CFAP65: variants seen among roughly 807,000 people sequenced by gnomAD.
The protein encoded by CFAP65 is cilia- and flagella-associated protein 65.
In CFAP65, 155 loss-of-function variants were observed where a neutral mutation model predicts 208.0. The ratio of observed to expected loss-of-function variants is 0.75; its 90% CI spans 0.65 to 0.85. CFAP65 has a LOEUF of 0.85. CFAP65 is among the 40% of genes least tolerant of loss of function. The pLI, the probability that CFAP65 is intolerant of heterozygous loss-of-function variation, is 0.00. For missense variants in CFAP65, 2,294 were observed against 2,451.3 expected (o/e 0.94, Z 1.36); for synonymous variants, 970 against 986.3 (o/e 0.98, Z 0.31).
At position 219,004,840 on chromosome 2, in the gene CFAP65, G is replaced by GAC. The variant is rs1207401038; in HGVS notation, c.5052-387_5052-386dup. ...CTGGGGTGGGGGGGCCGGGGGGGGG[G>GAC]ACCGTGGTGGGATCTTGCAAAGAAG... On this transcript the variant is annotated intron_variant, in intron 32 of 34. Coordinates refer to ENST00000341552, the MANE Select transcript of CFAP65 (RefSeq NM_194302.4). The surrounding 1 kb of genome is among the most constrained non-coding windows in gnomAD (Gnocchi z 4.7). Among the ~76,000 whole-genome samples the GAC allele has an allele frequency of 4.1e-4, 58 of 139,944 alleles. 1 individual carries two copies. The highest frequency in any genetic ancestry group is 3.6e-3 in the Middle Eastern group (1 of 274). The allele number at this position is 139,944 out of a possible 152,430, so 91.8% of individuals were successfully genotyped here. A position where few individuals can be genotyped will look rare whatever the true frequency, so the allele number is the denominator to read the frequency against.
chr2:219,005,926 C>A, intron 31 of CFAP65, 95 bp downstream of exon 31: 2 of 1,257,944 alleles, frequency 1.6e-6, no homozygotes, highest in Non-Finnish European at 2.3e-6. Context: ...ATGCTCCACC[C>A]CTCACCATGG....
intron 5 of CFAP65, 164 bp downstream of exon 5, chr2:219,035,316 G>C (rs762571353): frequency 1.3e-6 from 2 of 1,540,534 alleles, no homozygotes; most frequent in African/African-American, 2.8e-5. Context: ...AAAAATAATG[G>C]ATTATAGCTG....
At position 219,003,409 on chromosome 2, in the gene CFAP65, G is replaced by A; in HGVS notation, c.5556-137C>T. On this transcript the variant is annotated intron_variant, in intron 33 of 34. Transcript: ENST00000341552. The surrounding 1 kb of genome is among the most constrained non-coding windows in gnomAD (Gnocchi z 4.4). ...CTCCCCTCATCCACTACACTATGGG[G>A]CATTCTTGTTTCAATGTTACGGACG... 1 of 1,113,578 alleles carries A rather than the reference G, an allele frequency of 9.0e-7. No individual in the cohort carries two copies. Among genetic ancestry groups the A allele is most frequent in the Non-Finnish European group, 1.2e-6 (1 of 815,466 alleles). 69.0% of individuals were successfully genotyped at this position (1,113,578 alleles called of 1,614,324 possible).
intron 19 of CFAP65, 54 bp downstream of exon 19, chr2:219,021,098 C>A: frequency 6.1e-6 from 9 of 1,466,746 alleles, no homozygotes; most frequent in East Asian, 5.0e-5. Context: ...CAGCCCTCCC[C>A]CTTCATCCTG....
chr2:219,024,284 C>A, intron 14 of CFAP65, 24 bp from the exon 15 acceptor site: 1 of 1,596,586 alleles, frequency 6.3e-7, no homozygotes, highest in South Asian at 1.1e-5. Context: ...AGGAGGAAAG[C>A]GGCCCCCCGC....
chr2:219,031,791 G>A lies in CFAP65; in HGVS notation c.646-133C>T. ...GGCCGTGGCACCCACGTCAGACTCT[G>A]AGGGGAGCTGGGCACCTATGTTGTC... On this transcript the variant is annotated intron_variant, in intron 6 of 34. Transcript: ENST00000341552. The surrounding 1 kb of genome is among the most constrained non-coding windows in gnomAD (Gnocchi z 5.2). The A allele has an allele frequency of 9.9e-7, 1 of 1,014,478 alleles. No homozygotes were observed. Among genetic ancestry groups the A allele is most frequent in the Middle Eastern group, 3.2e-4 (1 of 3,082 alleles). The allele number at this position is 1,014,478 out of a possible 1,614,324, so 62.8% of individuals were successfully genotyped here. A position where few individuals can be genotyped will look rare whatever the true frequency, so the allele number is the denominator to read the frequency against.
chr2:219,006,320 G>T, intron 30 of CFAP65, 97 bp from the exon 31 acceptor site: 1 of 1,482,900 alleles, frequency 6.7e-7, no homozygotes, highest in Non-Finnish European at 9.3e-7. Flanking sequence ...GGCTCTTTGG[G>T]CCACATAAGC....
At chr2:219,009,258 G>A in intron 28 of CFAP65, 89 bp downstream of exon 28, 1 of 1,450,272 alleles carries the variant, frequency 6.9e-7, no homozygotes. Context: ...CCTTTTGCTG[G>A]GGTCTGGGGA....
At position 219,003,150 on chromosome 2, in the gene CFAP65, G is replaced by A. The variant is rs1945694276; in HGVS notation, c.5678C>T (p.Pro1893Leu). The change falls in exon 34 of 35, where the codon CCG (proline) becomes CTG (leucine). Residue 1893 changes from proline (P) to leucine (L), a missense_variant. Physicochemically the swap from Pro to Leu is moderately conservative, Grantham distance 98. Transcript: ENST00000341552. The surrounding 1 kb of genome is among the most constrained non-coding windows in gnomAD (Gnocchi z 4.4). ...TSRPRVIALP[P>L]FCVPRSLTPD... is the part of the protein sequence containing the mutation. ...GCGCCCTTACCTGGGCACGCAGAAC[G>A]GCGGCAGGGCGATGACGCGTGGCCG... 3 of 1,543,676 alleles carry A rather than the reference G, an allele frequency of 1.9e-6. No homozygotes were observed.
At chr2:219,019,371 C>T (rs113027933) in intron 20 of CFAP65, 135 bp downstream of exon 20, 60 of 1,065,924 alleles carry the variant, frequency 5.6e-5, no homozygotes, top group Admixed American at 3.2e-4. Context: ...CAGGGATGGG[C>T]GAGAACTGGG....
At chr2:219,012,284 A>T (rs1335102462) in intron 24 of CFAP65, among the ~76,000 whole-genome samples, 1 of 152,196 alleles carries the variant, frequency 6.6e-6, no homozygotes, top group Non-Finnish European at 1.5e-5. Context: ...TTAGCATCTC[A>T]AACTTGGCCA....
In CFAP65 at chr2:219,030,147, G is replaced by A. The variant is rs763060434; in HGVS notation, c.1223C>T (p.Ser408Leu). 5.6e-5 allele frequency: 91 copies of A among 1,614,052 alleles called. No individual in the cohort carries two copies. Among genetic ancestry groups the A allele is most frequent in the Non-Finnish European group, 7.5e-5 (88 of 1,180,026 alleles). Reference sequence around the variant, plus strand: ...CACGATGCCATGGGCCGTGGGGCATGAGAAGGCCTGGTCTTCGGCCAGTTC... The same window carrying A: ...CACGATGCCATGGGCCGTGGGGCATAAGAAGGCCTGGTCTTCGGCCAGTTC... Reference protein sequence around the residue: ...PDELAEDQAFSCPTAHGIVLP... With the variant: ...PDELAEDQAFLCPTAHGIVLP... Residue 408 changes from serine to leucine, a missense_variant, in exon 10 of 35, where the codon TCA (serine) becomes TTA (leucine). Physicochemically the swap from Ser to Leu is moderately radical, Grantham distance 145. Transcript: ENST00000341552.
Position 219,041,472 on chromosome 2 carries a change from A to G in CFAP65, c.-49+16T>C, listed in dbSNP as rs994877283. On this transcript the variant is annotated intron_variant, in intron 1 of 34. Coordinates refer to ENST00000341552, the MANE Select transcript of CFAP65 (RefSeq NM_194302.4). ...CCTGAGACCCTGGGACCTTGGGACT[A>G]ACGCTCAGAACTTACATCGCCTCCA... 9 of 1,550,414 alleles carry G rather than the reference A, an allele frequency of 5.8e-6. No homozygotes were observed. The highest frequency in any genetic ancestry group is 1.7e-4 in the Middle Eastern group (1 of 6,014).
Position 219,002,974 on chromosome 2 carries a change from A to G in CFAP65, c.5741T>C (p.Leu1914Pro), listed in dbSNP as rs1945677929. 2 of 1,566,570 alleles carry G rather than the reference A, an allele frequency of 1.3e-6. No homozygotes were observed. Among genetic ancestry groups the G allele is most frequent in the Non-Finnish European group, 1.7e-6 (2 of 1,155,392 alleles). Residue 1914 changes from leucine (L) to proline (P), a missense_variant, in exon 35 of 35, where the codon CTC becomes CCC. By Grantham distance (98) the Leu-to-Pro change is moderately conservative. Transcript: ENST00000341552. This position sits in a 1 kb window ranked among gnomAD's most constrained non-coding sequence, Gnocchi z 7.9. ...TLLPTQQAEVLHPVVPLPTDL... is the reference protein window; with the variant it reads ...TLLPTQQAEVPHPVVPLPTDL... ...GGTAGGAAGTGGCACCACCGGGTGG[A>G]GTACCTCTGCTTGCTGCGTCGGCAG...
At position 219,027,815 on chromosome 2, in the gene CFAP65, G is replaced by A. The variant is rs763466054; in HGVS notation, c.2046C>T (p.Gly682=). Residue 682 remains glycine, a synonymous_variant, in exon 13 of 35, where the codon GGC becomes GGT. Transcript: ENST00000341552. ...TTCGCGTCCAGACCACCATGATCTT[G>A]CCCTTGGTGTGGTTCATCAGGCACA... ...VPLCLMNHTK[G]KIMVVWTRRS... 1.2e-6 allele frequency: 2 copies of A among 1,609,126 alleles called. No homozygotes were observed. The highest frequency in any genetic ancestry group is 1.1e-5 in the South Asian group (1 of 90,528).
At chr2:219,022,446 C>A in intron 16 of CFAP65, 117 bp from the exon 17 acceptor site, 4 of 1,188,724 alleles carry the variant, frequency 3.4e-6, no homozygotes, top group Admixed American at 2.1e-5. Context: ...CAGAATCTAC[C>A]CTATGCCAGG....
chr2:219,030,265 T>C, intron 9 of CFAP65, 57 bp from the exon 10 acceptor site: 3 of 1,551,744 alleles, frequency 1.9e-6, no homozygotes, highest in Non-Finnish European at 1.8e-6. Context: ...CACTGTATGA[T>C]GGGACAGTCT....
At position 219,031,549 on chromosome 2, in the gene CFAP65, T is replaced by C. The variant is rs1366387765; in HGVS notation, c.755A>G (p.Gln252Arg). The change falls in exon 7 of 35, where the codon CAG becomes CGG. Residue 252 changes from glutamine (Q) to arginine (R), a missense_variant. By Grantham distance (43) the Gln-to-Arg change is conservative. Around this residue, in one of 2 missense-constraint regions of CFAP65, gnomAD observed 867 missense variants for 1,012.6 expected, o/e 0.86. Transcript: ENST00000341552. This position sits in a 1 kb window ranked among gnomAD's most constrained non-coding sequence, Gnocchi z 5.2. ...HRLICRPPSLQLPMCAVGDTT... is the reference protein window; with the variant it reads ...HRLICRPPSLRLPMCAVGDTT... ...ATCTCCCACAGCACACATGGGCAGC[T>C]GCAGGGATGGTGGGCGGCAGATCAG... 2.5e-6 allele frequency: 4 copies of C among 1,614,102 alleles called. No individual in the cohort carries two copies. In the African/African-American group the frequency reaches 4.0e-5, roughly 16 times the overall value.
In CFAP65 at chr2:219,031,314, G is replaced by T; in HGVS notation, c.816-9C>A. ...AGAAGGTGGGCAGGTCCCTGGGGGT[G>T]GGGGGCAGGTCAGGGCACTGGGCTC... On this transcript the variant is annotated splice_polypyrimidine_tract_variant and intron_variant, in intron 7 of 34. Transcript: ENST00000341552. The surrounding 1 kb of genome is among the most constrained non-coding windows in gnomAD (Gnocchi z 5.2). 1 of 1,612,844 alleles carries T rather than the reference G, an allele frequency of 6.2e-7. No homozygotes were observed. The highest frequency in any genetic ancestry group is 1.3e-5 in the African/African-American group (1 of 75,016).
Sources: allele counts gnomAD v4.1 joint callset (sites outside exome capture counted in the v4.1 genomes callset), GRCh38; gene constraint gnomAD v4.1.1; regional missense constraint gnomAD v4.1.1; non-coding constraint Gnocchi (gnomAD v3.1); transcripts MANE v1.5; gene names NCBI Gene and HGNC (gene_info 2026-07-23, HGNC 2026-07-21).